The following ASPH variants were observed in gnomAD, a reference collection of about 807,000 sequenced individuals.
ASPH encodes aspartyl/asparaginyl beta-hydroxylase.
In ASPH, 100 loss-of-function variants were observed where a neutral mutation model predicts 118.4. That is an observed-to-expected ratio of 0.84 (90% confidence interval 0.72 to 1.00). The LOEUF (loss-of-function observed/expected upper bound fraction) is 1.00, where lower values mean the gene tolerates loss of function less well. ASPH is among the 50% of genes least tolerant of loss of function. The probability of loss-of-function intolerance (pLI) is 0.00; values close to 1 mark genes in which losing one functional copy is unlikely to be tolerated. For missense variants in ASPH, 920 were observed against 919.5 expected (o/e 1.00, Z -0.01); for synonymous variants, 315 against 325.6 (o/e 0.97, Z 0.35).
intron 13 of ASPH, among the ~76,000 whole-genome samples, chr8:61,627,839 G>C (rs2150662549): frequency 6.6e-6 from 1 of 152,184 alleles, no homozygotes; most frequent in Middle Eastern, 3.4e-3. Context: ...CATCTCTTCT[G>C]CTACTCTCCA....
rs1160258465 is a variant in ASPH at position 61,663,971 on chromosome 8, TA to T, written c.323-10312del. 8.1e-6 allele frequency: 7 copies of T among 864,404 alleles called. No homozygotes were observed. In the East Asian group the frequency reaches 7.3e-4, roughly 90 times the overall value. 53.5% of individuals were successfully genotyped at this position (864,404 alleles called of 1,614,324 possible). A position where few individuals can be genotyped will look rare whatever the true frequency, so the allele number is the denominator to read the frequency against. ...AAAAATCTCGTTTTTAAGATCTTCA[TA>T]AAAAAGTAAATAAATATGTTTTAAA... On this transcript the variant is annotated intron_variant, in intron 3 of 24. Transcript: ENST00000379454.
intron 3 of ASPH, among the ~76,000 whole-genome samples, chr8:61,667,054 T>G (rs887820244): frequency 3.3e-5 from 5 of 150,786 alleles, no homozygotes; most frequent in African/African-American, 7.3e-5. Context: ...AGATAGGAGG[T>G]TAAACCATTA....
In ASPH at chr8:61,503,206, T is replaced by C; in HGVS notation, c.*153A>G. On this transcript the variant is annotated 3_prime_UTR_variant, in exon 25 of 25. Coordinates refer to ENST00000379454, the MANE Select transcript of ASPH (RefSeq NM_004318.4). ...GCAGCGAGGCAAATATTCCCTTTAG[T>C]GTCTTCTGACCCTAGGAGGAGGCTT... The C allele has an allele frequency of 4.9e-6, 4 of 808,696 alleles. No individual in the cohort carries two copies. The highest frequency in any genetic ancestry group is 7.0e-6 in the Non-Finnish European group (4 of 569,552). 50.1% of individuals were successfully genotyped at this position (808,696 alleles called of 1,614,324 possible). A position where few individuals can be genotyped will look rare whatever the true frequency, so the allele number is the denominator to read the frequency against.
chr8:61,665,480 T>A, intron 3 of ASPH: 1 of 1,568,130 alleles, frequency 6.4e-7, no homozygotes, highest in Non-Finnish European at 8.7e-7. Context: ...TAGGTCTGCA[T>A]CAGCAATTTT....
At chr8:61,600,063 A>T (rs777665504) in intron 14 of ASPH, among the ~76,000 whole-genome samples, 7 of 152,196 alleles carry the variant, frequency 4.6e-5, no homozygotes, top group Non-Finnish European at 1.0e-4. Context: ...ACAGACCATG[A>T]TCAAGTGTGA....
At chr8:61,636,270 A>C (rs1857681635) in intron 12 of ASPH, among the ~76,000 whole-genome samples, 2 of 152,208 alleles carry the variant, frequency 1.3e-5, no homozygotes. Context: ...GAAGATGAGA[A>C]AGGGCTGAGC....
At chr8:61,519,397 T>C (rs1203785311) in intron 22 of ASPH, among the ~76,000 whole-genome samples, 1 of 152,160 alleles carries the variant, frequency 6.6e-6, no homozygotes, top group Non-Finnish European at 1.5e-5. Flanking sequence ...TTCCAATATA[T>C]TGACAAAAAT....
intron 14 of ASPH, among the ~76,000 whole-genome samples, chr8:61,594,536 C>A (rs1479247839): frequency 6.6e-6 from 1 of 152,146 alleles, no homozygotes; most frequent in Non-Finnish European, 1.5e-5. Context: ...ACAGGAATCC[C>A]CTTTTATCCA....
chr8:61,637,864 G>A, intron 12 of ASPH, 83 bp downstream of exon 12: 2 of 1,334,032 alleles, frequency 1.5e-6, no homozygotes, highest in Non-Finnish European at 1.1e-6. Context: ...TAGACAGCAA[G>A]TAGGAAATGT....
Position 61,646,773 on chromosome 8 carries a change from A to T in ASPH, c.596T>A (p.Leu199Gln). The change falls in exon 6 of 25, where the codon CTG (leucine) becomes CAG (glutamine). Residue 199 changes from leucine (L) to glutamine (Q), a missense_variant. Physicochemically the swap from Leu to Gln is moderately radical, Grantham distance 113. Transcript: ENST00000379454. ...ACCTTCATGAGATACTTCAGGTTCC[A>T]GGGTCTCAAATCTATCATCTACATC... The part of the protein sequence containing the change: ...ATDVDDRFET[L>Q]EPEVSHEETE... The T allele has an allele frequency of 6.2e-7, 1 of 1,613,818 alleles. No individual in the cohort carries two copies. Among genetic ancestry groups the T allele is most frequent in the Non-Finnish European group, 8.5e-7 (1 of 1,179,830 alleles).
chr8:61,665,283 T>A (rs764981833), intron 3 of ASPH: 1 of 1,608,660 alleles, frequency 6.2e-7, no homozygotes, highest in South Asian at 1.1e-5. Context: ...TTTCCCTTTG[T>A]TAAGTGTGCA....
chr8:61,682,890 G>T (rs994940377), intron 2 of ASPH, among the ~76,000 whole-genome samples: 1 of 152,026 alleles, frequency 6.6e-6, no homozygotes, highest in South Asian at 2.1e-4. Context: ...CCAGTGACAG[G>T]TCCACATCTT....
At chr8:61,536,948 G>C (rs927837389) in intron 21 of ASPH, among the ~76,000 whole-genome samples, 1 of 152,206 alleles carries the variant, frequency 6.6e-6, no homozygotes. Context: ...GAGGCACCTA[G>C]CTAGCACTGG....
At chr8:61,653,915 C>A (rs1055392956) in intron 3 of ASPH, among the ~76,000 whole-genome samples, 6 of 152,126 alleles carry the variant, frequency 3.9e-5, no homozygotes, top group African/African-American at 1.4e-4. Context: ...GTTCATGAAT[C>A]TCTAAAACAG....
intron 2 of ASPH, among the ~76,000 whole-genome samples, chr8:61,682,226 T>C (rs554173511): frequency 6.6e-6 from 1 of 152,108 alleles, no homozygotes; most frequent in Non-Finnish European, 1.5e-5. Flanking sequence ...TTTCAACTGC[T>C]AAGAAAACAA....
intron 16 of ASPH, among the ~76,000 whole-genome samples, chr8:61,567,818 G>T (rs1039440670): frequency 7.2e-5 from 11 of 152,220 alleles, no homozygotes; most frequent in African/African-American, 2.4e-4. Flanking sequence ...AAGGTACTAT[G>T]TGTCTAACAG....
At chr8:61,594,875 G>A (rs1391227267) in intron 14 of ASPH, among the ~76,000 whole-genome samples, 1 of 152,120 alleles carries the variant, frequency 6.6e-6, no homozygotes, top group Non-Finnish European at 1.5e-5. Context: ...TATATTATAT[G>A]AATGAATAAT....
intron 14 of ASPH, among the ~76,000 whole-genome samples, chr8:61,594,847 C>G (rs1400003710): frequency 3.9e-5 from 6 of 152,040 alleles, no homozygotes. Flanking sequence ...CCCATATGGA[C>G]AAGGAAGGAC....
intron 24 of ASPH, among the ~76,000 whole-genome samples, chr8:61,511,585 C>T (rs185361704): frequency 2.0e-5 from 3 of 152,236 alleles, no homozygotes; most frequent in Admixed American, 6.5e-5. Context: ...TACTCAGCTC[C>T]GGATCAAAAT....
Sources: gnomAD v4.1 joint callset for allele counts (sites outside exome capture counted in the v4.1 genomes callset) on GRCh38, gnomAD v4.1.1 for gene constraint, MANE v1.5 for transcripts, NCBI Gene and HGNC (gene_info 2026-07-23, HGNC 2026-07-21) for gene names.